MYH8: variants seen among roughly 807,000 people sequenced by gnomAD.
MYH8 encodes myosin heavy chain 8, also known as myosin-8.
A neutral mutation model predicts 233.2 loss-of-function variants in MYH8; 168 were observed. The observed-to-expected ratio is 0.72, with a 90% CI of 0.64 to 0.82. The LOEUF (loss-of-function observed/expected upper bound fraction) is 0.82, where lower values mean the gene tolerates loss of function less well. MYH8 is among the 40% of genes least tolerant of loss of function. The pLI is 0.00. For missense variants in MYH8, 1,995 were observed against 2,327.8 expected (o/e 0.86, Z 2.94); for synonymous variants, 785 against 850.6 (o/e 0.92, Z 1.34).
intron 17 of MYH8, among the ~76,000 whole-genome samples, chr17:10,407,636 C>T (rs1000571734): frequency 6.6e-6 from 1 of 151,922 alleles, no homozygotes; most frequent in Non-Finnish European, 1.5e-5. Flanking sequence ...GTCAGGAGTT[C>T]GAGACCAGCC....
chr17:10,420,152 G>C lies in MYH8; in HGVS notation c.76C>G (p.Arg26Gly), dbSNP rs746955439. ...APYLRKSEKE[R>G]IEAQNKPFDA... Reference sequence around the variant, plus strand: ...AACGGCTTGTTTTGGGCCTCAATCCGCTCCTTTTCTGATTTTCGAAGGTAG... The same window carrying C: ...AACGGCTTGTTTTGGGCCTCAATCCCCTCCTTTTCTGATTTTCGAAGGTAG... The change falls in exon 3 of 40, where the codon CGG becomes GGG. Residue 26 changes from arginine to glycine, a missense_variant. Arg to Gly is a moderately radical substitution (Grantham distance 125). Around this residue, in one of 3 missense-constraint regions of MYH8, gnomAD observed 479 missense variants for 600.9 expected, o/e 0.80. Coordinates refer to ENST00000403437, the MANE Select transcript of MYH8 (RefSeq NM_002472.3). The C allele has an allele frequency of 1.9e-6, 3 of 1,614,054 alleles. No homozygotes were observed. Among genetic ancestry groups the C allele is most frequent in the Admixed American group, 3.3e-5 (2 of 60,014 alleles).
rs1450382414 is a variant in MYH8 at position 10,396,911 on chromosome 17, C to T, written c.4254G>A (p.Glu1418=). 1 of 1,614,226 alleles carries T rather than the reference C, an allele frequency of 6.2e-7. No individual in the cohort carries two copies. The highest frequency in any genetic ancestry group is 8.5e-7 in the Non-Finnish European group (1 of 1,180,044). Residue 1418 remains glutamate, a synonymous_variant, in exon 31 of 40, where the codon GAG becomes GAA. Transcript: ENST00000403437. This position sits in a 1 kb window ranked among gnomAD's most constrained non-coding sequence, Gnocchi z 4.2. ...EAVNAKCASL[E]KTKQRLQNEV... is the part of the protein sequence containing the mutation. ...CATTCTGGAGCCGCTGCTTCGTCTTCTCAAGGGAAGCACATTTGGCGTTCA... is the reference window on the plus strand; with the variant it reads ...CATTCTGGAGCCGCTGCTTCGTCTTTTCAAGGGAAGCACATTTGGCGTTCA...
At chr17:10,410,690 T>G in intron 15 of MYH8, 87 bp downstream of exon 15, 6 of 1,599,456 alleles carry the variant, frequency 3.8e-6, no homozygotes, top group Non-Finnish European at 5.1e-6. Context: ...ACAAACCATT[T>G]GAGATTACAG....
In MYH8 at chr17:10,419,145, C is replaced by T. The variant is rs538300799; in HGVS notation, c.211-115G>A. 6.5e-6 allele frequency: 8 copies of T among 1,224,480 alleles called. No individual in the cohort carries two copies. The highest frequency in any genetic ancestry group is 9.4e-6 in the Non-Finnish European group (8 of 849,626). The allele number at this position is 1,224,480 out of a possible 1,614,324, so 75.9% of individuals were successfully genotyped here. A position where few individuals can be genotyped will look rare whatever the true frequency, so the allele number is the denominator to read the frequency against. ...CGATCTCAGCTCACTGCAACCTCCG[C>T]CCTCCTGCTTCAAGTGATTGTCCTG... On this transcript the variant is annotated intron_variant, in intron 3 of 39. Transcript: ENST00000403437. This position sits in a 1 kb window ranked among gnomAD's most constrained non-coding sequence, Gnocchi z 4.0.
chr17:10,420,281 G>C (rs2072326202), intron 2 of MYH8, 24 bp from the exon 3 acceptor site: 4 of 1,584,790 alleles, frequency 2.5e-6, no homozygotes, highest in Non-Finnish European at 3.5e-6. Flanking sequence ...AAACGGGAGA[G>C]AGAGATATAA....
At chr17:10,404,692 T>C (rs1191831149) in intron 21 of MYH8, 107 bp from the exon 22 acceptor site, 1 of 1,314,280 alleles carries the variant, frequency 7.6e-7, no homozygotes, top group East Asian at 2.5e-5. Context: ...CACAAATAAA[T>C]ATGTCACATT....
chr17:10,401,027 T>C lies in MYH8; in HGVS notation c.3254+19A>G. On this transcript the variant is annotated intron_variant, in intron 25 of 39. Transcript: ENST00000403437. ...GAAAGATGATATCACATAGAAGTTT[T>C]TTTCTAAAAGGCTCCTACTTTTCAA... The C allele has an allele frequency of 6.2e-7, 1 of 1,614,150 alleles. No homozygotes were observed. Among genetic ancestry groups the C allele is most frequent in the Non-Finnish European group, 8.5e-7 (1 of 1,179,982 alleles).
In MYH8 at chr17:10,400,568, AG is replaced by A. The variant is rs1396389795; in HGVS notation, c.3556del (p.Leu1186CysfsTer42). ...AGCAGCCACCATAGCTTCATGCTGC[AG>A]GGTGGCCTCCTCCAGGTCCCTGCGC... ...KLRRDLEEAT[L>X]QHEAMVAALR... On this transcript the variant is annotated frameshift_variant, in exon 27 of 40. Transcript: ENST00000403437. LOFTEE classifies it high-confidence loss of function. This position sits in a 1 kb window ranked among gnomAD's most constrained non-coding sequence, Gnocchi z 4.0. 81 of 1,614,096 alleles carry A rather than the reference AG, an allele frequency of 5.0e-5. No individual in the cohort carries two copies. The highest frequency in any genetic ancestry group is 6.7e-5 in the Non-Finnish European group (79 of 1,180,038).
chr17:10,398,950 T>TTA (rs913397587), intron 28 of MYH8, 64 bp from the exon 29 acceptor site: 156 of 963,850 alleles, frequency 1.6e-4, no homozygotes, highest in Non-Finnish European at 2.2e-4. Context: ...CCTTTTACAT[T>TTA]TATATATGTG....
At position 10,396,933 on chromosome 17, in the gene MYH8, T is replaced by C. The variant is rs536918310; in HGVS notation, c.4232A>G (p.Asn1411Ser). 1.2e-6 allele frequency: 2 copies of C among 1,614,254 alleles called. No homozygotes were observed. Among genetic ancestry groups the C allele is most frequent in the Non-Finnish European group, 1.7e-6 (2 of 1,180,056 alleles). Reference sequence around the variant, plus strand: ...CTTCTCAAGGGAAGCACATTTGGCGTTCACAGCTTCTACATGTTCCTCAGC... The same window carrying C: ...CTTCTCAAGGGAAGCACATTTGGCGCTCACAGCTTCTACATGTTCCTCAGC... ...QEAEEHVEAV[N>S]AKCASLEKTK... is the part of the protein sequence containing the mutation. The change falls in exon 31 of 40, where the codon AAC becomes AGC. Residue 1411 changes from asparagine (N) to serine (S), a missense_variant. Physicochemically the swap from Asn to Ser is conservative, Grantham distance 46. Coordinates refer to ENST00000403437, the MANE Select transcript of MYH8 (RefSeq NM_002472.3). This position sits in a 1 kb window ranked among gnomAD's most constrained non-coding sequence, Gnocchi z 4.2.
intron 17 of MYH8, among the ~76,000 whole-genome samples, chr17:10,408,559 T>C (rs574868744): frequency 2.0e-5 from 3 of 152,352 alleles, no homozygotes; most frequent in South Asian, 4.1e-4. Flanking sequence ...CACATTACTT[T>C]GTAGTGAAAT....
chr17:10,416,793 A>G lies in MYH8; in HGVS notation c.512-1085T>C, dbSNP rs796277815. On this transcript the variant is annotated intron_variant, in intron 5 of 39. Coordinates refer to ENST00000403437, the MANE Select transcript of MYH8 (RefSeq NM_002472.3). ...GTTATTAATATTTGGCCAATTTTAT[A>G]TCATCTATACCTCATCCCAATCTCA... is the stretch of plus-strand genomic sequence containing the variant. 4.6e-5 allele frequency among the ~76,000 whole-genome samples: 7 copies of G among 152,318 alleles called. 1 individual carries two copies. Among genetic ancestry groups the G allele is most frequent in the African/African-American group, 1.7e-4 (7 of 41,586 alleles).
rs527787596 is a variant in MYH8 at position 10,411,363 on chromosome 17, G to A, written c.1417-416C>T. Among the ~76,000 whole-genome samples, 10 of 147,880 alleles carry A rather than the reference G, an allele frequency of 6.8e-5. No individual in the cohort carries two copies. In the South Asian group the frequency reaches 1.2e-3, roughly 17 times the overall value. On this transcript the variant is annotated intron_variant, in intron 14 of 39. Coordinates refer to ENST00000403437, the MANE Select transcript of MYH8 (RefSeq NM_002472.3). ...TGCACACCAGCCTGGGTGGCTGGGC[G>A]AGACCCTGTCTCAGAAAAAAAAAAA...
At position 10,396,226 on chromosome 17, in the gene MYH8, G is replaced by T; in HGVS notation, c.4653+104C>A. On this transcript the variant is annotated intron_variant, in intron 33 of 39. Transcript: ENST00000403437. This position sits in a 1 kb window ranked among gnomAD's most constrained non-coding sequence, Gnocchi z 4.2. ...GGATTTTGATAACTATTGCCAAGTT[G>T]TCCTTCATAAAGATCCTGTGAGTTT... 2 of 1,348,812 alleles carry T rather than the reference G, an allele frequency of 1.5e-6. No individual in the cohort carries two copies. The highest frequency in any genetic ancestry group is 2.4e-5 in the East Asian group (1 of 42,224). 83.6% of individuals were successfully genotyped at this position (1,348,812 alleles called of 1,614,324 possible). A position where few individuals can be genotyped will look rare whatever the true frequency, so the allele number is the denominator to read the frequency against.
At chr17:10,412,860 G>T in intron 12 of MYH8, 132 bp from the exon 13 acceptor site, 1 of 905,914 alleles carries the variant, frequency 1.1e-6, no homozygotes, top group Non-Finnish European at 1.8e-6. Context: ...GCCAAATGAG[G>T]TTTTCTAACC....
intron 12 of MYH8, 151 bp from the exon 13 acceptor site, chr17:10,412,879 T>C: frequency 3.8e-6 from 3 of 780,718 alleles, no homozygotes; most frequent in Non-Finnish European, 6.6e-6. Flanking sequence ...CCTTAGAGCA[T>C]GTGGTTGCCA....
At chr17:10,399,910 A>G (rs530897673) in intron 27 of MYH8, among the ~76,000 whole-genome samples, 72 of 152,280 alleles carry the variant, frequency 4.7e-4, no homozygotes, top group African/African-American at 1.7e-3. Context: ...GGATTTTGAA[A>G]TCATCTTAAT....
In MYH8 at chr17:10,392,826, C is replaced by T. The variant is rs758912765; in HGVS notation, c.5463+5G>A. The T allele has an allele frequency of 6.2e-7, 1 of 1,614,130 alleles. No homozygotes were observed. The highest frequency in any genetic ancestry group is 8.5e-7 in the Non-Finnish European group (1 of 1,180,022). The stretch of plus-strand genomic sequence containing the variant: ...TCCCAGATTTAGAGAGATTGAGACA[C>T]CCACCCTGGCCTCCAGTTTCTGGAT... On this transcript the variant is annotated splice_donor_5th_base_variant and intron_variant, in intron 37 of 39. Coordinates refer to ENST00000403437, the MANE Select transcript of MYH8 (RefSeq NM_002472.3).
intron 15 of MYH8, 22 bp from the exon 16 acceptor site, chr17:10,409,610 T>G: frequency 6.2e-7 from 1 of 1,613,846 alleles, no homozygotes; most frequent in Non-Finnish European, 8.5e-7. Context: ...AAAGTAACAT[T>G]GGTGTCAACC....
Sources: allele counts gnomAD v4.1 joint callset (sites outside exome capture counted in the v4.1 genomes callset), GRCh38; gene constraint gnomAD v4.1.1; regional missense constraint gnomAD v4.1.1; non-coding constraint Gnocchi (gnomAD v3.1); transcripts MANE v1.5; gene names NCBI Gene and HGNC (gene_info 2026-07-23, HGNC 2026-07-21).